Variants in GRIK5 observed in about 807,000 individuals in gnomAD.
GRIK5 encodes glutamate ionotropic receptor kainate type subunit 5, also known as glutamate receptor ionotropic, kainate 5.
A neutral mutation model predicts 97.4 loss-of-function variants in GRIK5; 43 were observed. The observed-to-expected ratio is 0.44, with a 90% CI of 0.35 to 0.57. The LOEUF is 0.57. Ranked by LOEUF, GRIK5 falls within the 20% of genes least tolerant of loss-of-function variation. The pLI, the probability that GRIK5 is intolerant of heterozygous loss-of-function variation, is 0.01. For synonymous variants in GRIK5, 580 were observed against 583.5 expected (o/e 0.99, Z 0.09); for missense variants, 1,015 against 1,382.0 (o/e 0.73, Z 4.21).
intron 11 of GRIK5, among the ~76,000 whole-genome samples, chr19:42,053,236 C>G (rs980686633): frequency 1.3e-5 from 2 of 152,176 alleles, no homozygotes; most frequent in Non-Finnish European, 2.9e-5. Flanking sequence ...AAGTCGCCTC[C>G]CCTCTCTGAG....
Position 42,053,683 on chromosome 19 carries a change from G to A in GRIK5, c.1188C>T (p.Thr396=). 6.2e-7 allele frequency: 1 copy of A among 1,612,660 alleles called. No homozygotes were observed. The highest frequency in any genetic ancestry group is 8.5e-7 in the Non-Finnish European group (1 of 1,178,660). ...REIGVWYSNR[T]LAMNATTLDI... Reference sequence around the variant, plus strand: ...CCAGGGTGGTGGCATTCATGGCCAGGGTGCGGTTAGAGTACCACACCCCAA... The same window carrying A: ...CCAGGGTGGTGGCATTCATGGCCAGAGTGCGGTTAGAGTACCACACCCCAA... Residue 396 remains threonine, a synonymous_variant, in exon 11 of 20, where the codon ACC becomes ACT. Transcript: ENST00000593562.
intron 15 of GRIK5, among the ~76,000 whole-genome samples, chr19:42,020,492 T>C (rs1169575754): frequency 2.0e-5 from 3 of 152,142 alleles, no homozygotes; most frequent in Non-Finnish European, 4.4e-5. Context: ...AACTCCATCT[T>C]GAATAGGAGC....
rs1024562974 is a variant in GRIK5 at position 42,022,635 on chromosome 19, G to C, written c.1474-281C>G. Reference sequence around the variant, plus strand: ...CCCAGCATCAAGGGCTGGGGATGGAGGGGTTCCCCAAACTCCAATTCAAGC... The same window carrying C: ...CCCAGCATCAAGGGCTGGGGATGGACGGGTTCCCCAAACTCCAATTCAAGC... On this transcript the variant is annotated intron_variant, in intron 12 of 19. Coordinates refer to ENST00000593562, the MANE Select transcript of GRIK5 (RefSeq NM_002088.5). This position sits in a 1 kb window ranked among gnomAD's most constrained non-coding sequence, Gnocchi z 4.2. 1.0e-6 allele frequency: 1 copy of C among 984,990 alleles called. No homozygotes were observed. The highest frequency in any genetic ancestry group is 6.2e-5 in the Admixed American group (1 of 16,210). 61.0% of individuals were successfully genotyped at this position (984,990 alleles called of 1,614,324 possible). A position where few individuals can be genotyped will look rare whatever the true frequency, so the allele number is the denominator to read the frequency against.
chr19:42,021,570 G>A lies in GRIK5; in HGVS notation c.1698-96C>T, dbSNP rs957879519. On this transcript the variant is annotated intron_variant, in intron 14 of 19. Coordinates refer to ENST00000593562, the MANE Select transcript of GRIK5 (RefSeq NM_002088.5). This position sits in a 1 kb window ranked among gnomAD's most constrained non-coding sequence, Gnocchi z 4.2. ...GAAAGTCACAGTGATCAGAAGAAAG[G>A]GGGAGAGATGGAAAAAGGAGCAAGA... The A allele has an allele frequency of 5.8e-6, 6 of 1,029,062 alleles. No individual in the cohort carries two copies. In the Admixed American group the frequency reaches 1.5e-4, roughly 26 times the overall value. The allele number at this position is 1,029,062 out of a possible 1,614,324, so 63.7% of individuals were successfully genotyped here.
At chr19:42,052,290 A>C (rs1203364152) in intron 11 of GRIK5, among the ~76,000 whole-genome samples, 1 of 151,098 alleles carries the variant, frequency 6.6e-6, no homozygotes, top group East Asian at 2.0e-4. Context: ...CCTGTTCCCC[A>C]CCAAGGCCCC....
At chr19:42,017,808 T>A (rs1354215250) in intron 15 of GRIK5, among the ~76,000 whole-genome samples, 1 of 151,946 alleles carries the variant, frequency 6.6e-6, no homozygotes, top group Admixed American at 6.6e-5. Flanking sequence ...GGTTTTGTGG[T>A]TTTCTGGCCA....
At chr19:42,001,503 A>G (rs782521951) in intron 19 of GRIK5, among the ~76,000 whole-genome samples, 14 of 152,196 alleles carry the variant, frequency 9.2e-5, no homozygotes, top group Middle Eastern at 3.2e-3. Flanking sequence ...TGCTTGGATT[A>G]CAGGCGTGAG....
chr19:42,002,694 C>T lies in GRIK5; in HGVS notation c.2514+638G>A. 3.3e-6 allele frequency: 2 copies of T among 606,182 alleles called. No homozygotes were observed. The highest frequency in any genetic ancestry group is 2.9e-6 in the Non-Finnish European group (1 of 341,290). The allele number at this position is 606,182 out of a possible 1,614,324, so 37.6% of individuals were successfully genotyped here. A position where few individuals can be genotyped will look rare whatever the true frequency, so the allele number is the denominator to read the frequency against. ...GAAATGCAGGGGTGTGGCTGGGCGG[C>T]CCCCAGGGACATGGAAGCAGCCCTC... On this transcript the variant is annotated intron_variant, in intron 19 of 19. Coordinates refer to ENST00000593562, the MANE Select transcript of GRIK5 (RefSeq NM_002088.5). This position sits in a 1 kb window ranked among gnomAD's most constrained non-coding sequence, Gnocchi z 5.2.
intron 12 of GRIK5, among the ~76,000 whole-genome samples, chr19:42,038,930 T>C (rs917990794): frequency 6.6e-6 from 1 of 152,138 alleles, no homozygotes. Context: ...GTGTTCTCCC[T>C]GTAAATGTCA....
At chr19:42,005,106 T>C (rs916369814) in intron 17 of GRIK5, among the ~76,000 whole-genome samples, 3 of 152,048 alleles carry the variant, frequency 2.0e-5, no homozygotes, top group African/African-American at 7.2e-5. Flanking sequence ...TGCCAAAATT[T>C]GGTGACAATT....
chr19:41,999,276 C>T lies in GRIK5; in HGVS notation c.2538G>A (p.Leu846=). ...AAGAAACGGCGTGGCGCAGCTCCTG[C>T]AGCATCTCCTGGCACACCGACACCT... ...SEEVSVCQEM[L]QELRHAVSCR... is the part of the protein sequence containing the mutation. Residue 846 remains leucine (L), a synonymous_variant, in exon 20 of 20, where the codon CTG becomes CTA. Coordinates refer to ENST00000593562, the MANE Select transcript of GRIK5 (RefSeq NM_002088.5). The surrounding 1 kb of genome is among the most constrained non-coding windows in gnomAD (Gnocchi z 5.0). 6.6e-7 allele frequency: 1 copy of T among 1,525,726 alleles called. No homozygotes were observed. Among genetic ancestry groups the T allele is most frequent in the South Asian group, 1.2e-5 (1 of 83,594 alleles). 94.5% of individuals were successfully genotyped at this position (1,525,726 alleles called of 1,614,324 possible). A position where few individuals can be genotyped will look rare whatever the true frequency, so the allele number is the denominator to read the frequency against.
In GRIK5 at chr19:42,068,086, C is replaced by T. The variant is rs575950246; in HGVS notation, c.-51+1155G>A. 1.6e-4 allele frequency among the ~76,000 whole-genome samples: 24 copies of T among 151,974 alleles called. No homozygotes were observed. The South Asian group carries it at 4.6e-3, about 29-fold the overall frequency. On this transcript the variant is annotated intron_variant, in intron 1 of 19. Transcript: ENST00000593562. ...AACTCTACAAAGAGAGAGGGCCAGTCGGAAAGAGAGACAGTATGTCGGAGC... is the reference window on the plus strand; with the variant it reads ...AACTCTACAAAGAGAGAGGGCCAGTTGGAAAGAGAGACAGTATGTCGGAGC...
intron 12 of GRIK5, among the ~76,000 whole-genome samples, chr19:42,035,311 A>T (rs2075889665): frequency 6.6e-6 from 1 of 152,168 alleles, no homozygotes; most frequent in African/African-American, 2.4e-5. Context: ...GATGAGGCAG[A>T]TCTATGTGTA....
chr19:42,056,254 G>T (rs932080591), intron 8 of GRIK5, among the ~76,000 whole-genome samples: 2 of 152,206 alleles, frequency 1.3e-5, no homozygotes, highest in Non-Finnish European at 2.9e-5. Context: ...AAAGTGCTGG[G>T]ATTACAGGTG....
intron 15 of GRIK5, among the ~76,000 whole-genome samples, chr19:42,009,923 G>A (rs1408533183): frequency 3.3e-5 from 5 of 150,540 alleles, no homozygotes; most frequent in Non-Finnish European, 1.5e-5. Flanking sequence ...AAAATTAGCC[G>A]AGCATGGTGG....
intron 5 of GRIK5, among the ~76,000 whole-genome samples, chr19:42,060,758 A>G (rs1275370335): frequency 6.6e-6 from 1 of 150,940 alleles, no homozygotes; most frequent in Non-Finnish European, 1.5e-5. Context: ...ATCCTTACAC[A>G]GCTCCCTCCT....
chr19:42,029,738 G>A (rs1312145408), intron 12 of GRIK5, among the ~76,000 whole-genome samples: 2 of 152,182 alleles, frequency 1.3e-5, no homozygotes, highest in African/African-American at 4.8e-5. Context: ...CTCGCATGCA[G>A]CCTGGACTGG....
At position 42,042,392 on chromosome 19, in the gene GRIK5, T is replaced by C. The variant is rs76026602; in HGVS notation, c.1473+160A>G. 0.021 allele frequency among the ~76,000 whole-genome samples: 3,198 copies of C among 152,314 alleles called. 103 individuals are homozygous for C. The highest frequency in any genetic ancestry group is 0.072 in the African/African-American group (2,987 of 41,546). Reference sequence around the variant, plus strand: ...CCACAGCACCCGCCAGGCACAGGCATACAGCGCAACATCAGTGAGGTGGTG... The same window carrying C: ...CCACAGCACCCGCCAGGCACAGGCACACAGCGCAACATCAGTGAGGTGGTG... On this transcript the variant is annotated intron_variant, in intron 12 of 19. Coordinates refer to ENST00000593562, the MANE Select transcript of GRIK5 (RefSeq NM_002088.5). This position sits in a 1 kb window ranked among gnomAD's most constrained non-coding sequence, Gnocchi z 6.9.
intron 1 of GRIK5, chr19:42,068,736 A>G (rs765760616): frequency 1.2e-5 from 6 of 504,792 alleles, no homozygotes; most frequent in South Asian, 1.1e-4. Flanking sequence ...CTGGGCTAAC[A>G]GCAAAGAGAG....
Sources: gnomAD v4.1 joint callset for allele counts (sites outside exome capture counted in the v4.1 genomes callset) on GRCh38, gnomAD v4.1.1 for gene constraint, Gnocchi (gnomAD v3.1) non-coding constraint, MANE v1.5 for transcripts, NCBI Gene and HGNC (gene_info 2026-07-23, HGNC 2026-07-21) for gene names.